DCC: variants seen among roughly 807,000 people sequenced by gnomAD.
DCC encodes netrin receptor DCC.
Under a neutral mutation model 172.5 loss-of-function variants are expected in DCC, and 58 were observed. The observed-to-expected ratio is 0.34, with a 90% CI of 0.27 to 0.42. The LOEUF (loss-of-function observed/expected upper bound fraction) is 0.42, where lower values mean the gene tolerates loss of function less well. Ranked by LOEUF, DCC falls within the 10% of genes least tolerant of loss-of-function variation. The pLI is 1.00. For missense variants in DCC, 1,740 were observed against 1,791.0 expected (o/e 0.97, Z 0.51); for synonymous variants, 709 against 644.5 (o/e 1.10, Z -1.52).
chr18:52,923,704 T>A lies in DCC; in HGVS notation c.698-3T>A. On this transcript the variant is annotated splice_polypyrimidine_tract_variant and splice_region_variant and intron_variant, in intron 3 of 28. Coordinates refer to ENST00000442544, the MANE Select transcript of DCC (RefSeq NM_005215.4). ...CATATGATACTGTGTTTTCCCCTCATAGATCCAGGACTGCATAGACAGCTG... is the reference window on the plus strand; with the variant it reads ...CATATGATACTGTGTTTTCCCCTCAAAGATCCAGGACTGCATAGACAGCTG... The A allele has an allele frequency of 6.2e-7, 1 of 1,601,150 alleles. No individual in the cohort carries two copies. Among genetic ancestry groups the A allele is most frequent in the African/African-American group, 1.3e-5 (1 of 74,732 alleles).
At chr18:52,545,756 TA>T (rs1298828145) in intron 1 of DCC, among the ~76,000 whole-genome samples, 25 of 152,316 alleles carry the variant, frequency 1.6e-4, no homozygotes, top group South Asian at 1.2e-3. Context: ...AGGGGTCATA[TA>T]TTTTCTCACT....
rs181608030 is a variant in DCC, at chr18:53,022,208, A to G, written c.986-41097A>G. Reference sequence around the variant, plus strand: ...CATGAATATAAATTTGTAATAACCTATTTTAAAAAGGGTTAACCTCAAATT... The same window carrying G: ...CATGAATATAAATTTGTAATAACCTGTTTTAAAAAGGGTTAACCTCAAATT... On this transcript the variant is annotated intron_variant, in intron 5 of 28. Transcript: ENST00000442544. Among the ~76,000 whole-genome samples, 215 of 152,258 alleles carry G rather than the reference A, an allele frequency of 1.4e-3. 1 individual carries two copies. The highest frequency in any genetic ancestry group is 4.9e-3 in the African/African-American group (202 of 41,566).
At chr18:52,908,393 G>A (rs2039921808) in intron 3 of DCC, among the ~76,000 whole-genome samples, 1 of 152,040 alleles carries the variant, frequency 6.6e-6, no homozygotes, top group Non-Finnish European at 1.5e-5. Context: ...AAACATACAT[G>A]CATCTATTTA....
At chr18:52,875,345 C>T (rs2039388357) in intron 2 of DCC, among the ~76,000 whole-genome samples, 3 of 151,916 alleles carry the variant, frequency 2.0e-5, no homozygotes, top group Admixed American at 6.6e-5. Context: ...GCAACCTGGC[C>T]ATCAAACAGC....
chr18:53,068,806 T>TGTGTGTGTGTGTGA (rs2042611839), intron 7 of DCC, among the ~76,000 whole-genome samples: 1 of 151,168 alleles, frequency 6.6e-6, no homozygotes, highest in Non-Finnish European at 1.5e-5. Context: ...TGTATGTGTA[T>TGTGTGTGTGTGTGA]GTGTGTGTGT....
chr18:53,073,623 T>C (rs1427123508), intron 7 of DCC, among the ~76,000 whole-genome samples: 2 of 152,094 alleles, frequency 1.3e-5, no homozygotes, highest in Non-Finnish European at 2.9e-5. Context: ...TTCACTGTAG[T>C]AGGGGAAATA....
chr18:52,731,885 G>C (rs1599056184), intron 1 of DCC, among the ~76,000 whole-genome samples: 1 of 152,112 alleles, frequency 6.6e-6, no homozygotes, highest in Non-Finnish European at 1.5e-5. Context: ...ATTTTAATGA[G>C]CACTGTTTTT....
chr18:53,431,230 G>A (rs1156461874), intron 21 of DCC, among the ~76,000 whole-genome samples: 4 of 150,808 alleles, frequency 2.7e-5, no homozygotes, highest in Non-Finnish European at 5.9e-5. Context: ...AAAATCTAAG[G>A]TAAAAGTAGA....
intron 22 of DCC, among the ~76,000 whole-genome samples, chr18:53,442,726 A>T (rs12953691): frequency 0.44 from 66,773 of 152,114 alleles, 16,430 homozygotes; most frequent in Non-Finnish European, 0.57. Context: ...AGATGTGAAT[A>T]CAAAGGAAAA....
intron 27 of DCC, among the ~76,000 whole-genome samples, chr18:53,508,589 T>A (rs1013035385): frequency 2.0e-5 from 3 of 152,108 alleles, no homozygotes; most frequent in African/African-American, 7.3e-5. Context: ...TATAGTTATT[T>A]GTTTATTTTC....
chr18:53,186,884 G>A (rs2055290200), intron 9 of DCC, among the ~76,000 whole-genome samples: 1 of 152,080 alleles, frequency 6.6e-6, no homozygotes, highest in Non-Finnish European at 1.5e-5. Context: ...ATCTTCCAGA[G>A]GGTATGAACG....
chr18:52,870,579 T>C (rs568655508), intron 2 of DCC, among the ~76,000 whole-genome samples: 1 of 152,296 alleles, frequency 6.6e-6, no homozygotes, highest in South Asian at 2.1e-4. Context: ...CTCTTGCAGA[T>C]AAGATCACTG....
At chr18:53,204,326 G>A (rs1441732461) in intron 9 of DCC, among the ~76,000 whole-genome samples, 4 of 152,118 alleles carry the variant, frequency 2.6e-5, no homozygotes, top group Non-Finnish European at 5.9e-5. Context: ...AGGATCGCTT[G>A]CCAGGAGTTC....
rs1417278184 is a variant in DCC at position 52,448,982 on chromosome 18, C to T, written c.91+108104C>T. Among the ~76,000 whole-genome samples, 3 of 152,316 alleles carry T rather than the reference C, an allele frequency of 2.0e-5. No individual in the cohort carries two copies. In the East Asian group the frequency reaches 5.8e-4, roughly 29 times the overall value. ...CTCATGCTGCTGATAAAGACATACC[C>T]AAGATTGGGCAATTTACAAAAGAAA... On this transcript the variant is annotated intron_variant, in intron 1 of 28. Coordinates refer to ENST00000442544, the MANE Select transcript of DCC (RefSeq NM_005215.4).
At chr18:53,205,442 T>C in intron 10 of DCC, 78 bp downstream of exon 10, 1 of 1,460,992 alleles carries the variant, frequency 6.8e-7, no homozygotes, top group Non-Finnish European at 9.6e-7. Flanking sequence ...GCTGGAGAAA[T>C]AGGAAAAGAC....
intron 1 of DCC, among the ~76,000 whole-genome samples, chr18:52,649,169 C>T (rs1283562454): frequency 1.3e-5 from 2 of 152,000 alleles, no homozygotes; most frequent in Non-Finnish European, 1.5e-5. Flanking sequence ...GTCAGGAGAT[C>T]GAGACCATAC....
intron 1 of DCC, among the ~76,000 whole-genome samples, chr18:52,493,261 C>T (rs958417229): frequency 2.6e-5 from 4 of 151,950 alleles, no homozygotes; most frequent in African/African-American, 7.2e-5. Flanking sequence ...CATGAGCTCA[C>T]AGGAAGATTA....
chr18:52,396,783 G>A (rs1448199229), intron 1 of DCC, among the ~76,000 whole-genome samples: 1 of 151,912 alleles, frequency 6.6e-6, no homozygotes. Context: ...ATAACGGATG[G>A]GTCATCTCAA....
At chr18:52,912,060 A>C (rs2039978234) in intron 3 of DCC, among the ~76,000 whole-genome samples, 1 of 152,040 alleles carries the variant, frequency 6.6e-6, no homozygotes, top group African/African-American at 2.4e-5. Flanking sequence ...ACCAGTTAAT[A>C]AATATTAAAA....
Sources: allele counts gnomAD v4.1 joint callset (sites outside exome capture counted in the v4.1 genomes callset), GRCh38; gene constraint gnomAD v4.1.1; transcripts MANE v1.5; gene names NCBI Gene and HGNC (gene_info 2026-07-23, HGNC 2026-07-21).